ANKRD31: variants seen among roughly 807,000 people sequenced by gnomAD.
ANKRD31 encodes the protein ankyrin repeat domain 31.
ANKRD31 carries 147 observed loss-of-function variants against 186.0 expected under a neutral mutation model. The observed-to-expected ratio is 0.79, with a 90% confidence interval of 0.69 to 0.91. ANKRD31 has a LOEUF of 0.91. Ranked by LOEUF, ANKRD31 falls within the 40% of genes least tolerant of loss-of-function variation. ANKRD31 has a pLI of 0.00. For missense variants in ANKRD31, 1,986 were observed against 2,148.8 expected (o/e 0.92, Z 1.50); for synonymous variants, 673 against 736.4 (o/e 0.91, Z 1.39).
chr5:75,100,426 A>G (rs1010979044), intron 22 of ANKRD31, among the ~76,000 whole-genome samples: 1 of 152,184 alleles, frequency 6.6e-6, no homozygotes, highest in Non-Finnish European at 1.5e-5. Flanking sequence ...AGTTCTGTAG[A>G]TGCCTATTAG....
chr5:75,098,793 C>G (rs1436764092), intron 22 of ANKRD31, among the ~76,000 whole-genome samples: 1 of 152,184 alleles, frequency 6.6e-6, no homozygotes, highest in Non-Finnish European at 1.5e-5. Flanking sequence ...TATCCTGAGA[C>G]TTTGCTGAAG....
chr5:75,202,652 C>T (rs750941668), intron 5 of ANKRD31, among the ~76,000 whole-genome samples: 11 of 152,220 alleles, frequency 7.2e-5, no homozygotes, highest in South Asian at 2.1e-4. Flanking sequence ...TATCTTTCTA[C>T]AATTTGATTA....
intron 1 of ANKRD31, among the ~76,000 whole-genome samples, chr5:75,233,789 G>A (rs1208044038): frequency 2.0e-5 from 3 of 151,852 alleles, no homozygotes; most frequent in Admixed American, 6.6e-5. Flanking sequence ...GGTGGTATGC[G>A]CCTGTAGTCC....
At chr5:75,231,107 C>T (rs1757926902) in intron 1 of ANKRD31, among the ~76,000 whole-genome samples, 1 of 152,134 alleles carries the variant, frequency 6.6e-6, no homozygotes, top group African/African-American at 2.4e-5. Flanking sequence ...GACACAGTCT[C>T]TCTCTGTCAC....
intron 10 of ANKRD31, among the ~76,000 whole-genome samples, chr5:75,188,128 C>T (rs1043482652): frequency 1.3e-5 from 2 of 152,144 alleles, no homozygotes; most frequent in African/African-American, 4.8e-5. Flanking sequence ...TTTTCCCCTA[C>T]AGCTCAGTGC....
intron 20 of ANKRD31, among the ~76,000 whole-genome samples, chr5:75,108,371 A>T (rs1202566947): frequency 6.6e-6 from 1 of 152,086 alleles, no homozygotes; most frequent in African/African-American, 2.4e-5. Context: ...TTGCTTTCCA[A>T]GTAAAGGCAT....
intron 22 of ANKRD31, among the ~76,000 whole-genome samples, chr5:75,099,212 T>C (rs1746597389): frequency 6.6e-6 from 1 of 152,248 alleles, no homozygotes; most frequent in South Asian, 2.1e-4. Flanking sequence ...TCTTTGGTTC[T>C]GTTTATATGA....
chr5:75,178,939 C>T lies in ANKRD31; in HGVS notation c.1564+9554G>A, dbSNP rs185831328. On this transcript the variant is annotated intron_variant, in intron 10 of 25. Coordinates refer to ENST00000506364, the MANE Select transcript of ANKRD31 (RefSeq NM_001372053.1). ...AAAAACGCTTCAAAAATTAATGAATCCAGGAGCTGGTTTTTTGAAAAGATC... is the reference window on the plus strand; with the variant it reads ...AAAAACGCTTCAAAAATTAATGAATTCAGGAGCTGGTTTTTTGAAAAGATC... Among the ~76,000 whole-genome samples, 6 of 152,186 alleles carry T rather than the reference C, an allele frequency of 3.9e-5. No homozygotes were observed. The East Asian group carries it at 1.2e-3, about 29-fold the overall frequency.
intron 23 of ANKRD31, 55 bp from the exon 24 acceptor site, chr5:75,084,429 ACACC>A: frequency 8.1e-7 from 1 of 1,227,244 alleles, no homozygotes; most frequent in Non-Finnish European, 1.2e-6. Flanking sequence ...AGAAGGAAAT[ACACC>A]TATGTCCTGA....
chr5:75,180,176 G>T (rs376866186), intron 10 of ANKRD31, among the ~76,000 whole-genome samples: 1 of 152,102 alleles, frequency 6.6e-6, no homozygotes, highest in East Asian at 1.9e-4. Flanking sequence ...CAACTTACAA[G>T]GGATGTGAAG....
chr5:75,207,383 A>G (rs1182592087), intron 4 of ANKRD31, among the ~76,000 whole-genome samples: 3 of 152,176 alleles, frequency 2.0e-5, no homozygotes, highest in Non-Finnish European at 2.9e-5. Context: ...ATAAAACCAT[A>G]GTTTAACAGA....
At position 75,233,750 on chromosome 5, in the gene ANKRD31, T is replaced by C. The variant is rs565403632; in HGVS notation, c.104+2833A>G. 1.8e-3 allele frequency among the ~76,000 whole-genome samples: 279 copies of C among 152,070 alleles called. 1 individual carries two copies. Among genetic ancestry groups the C allele is most frequent in the African/African-American group, 6.5e-3 (271 of 41,498 alleles). ...GGCCATCATGGTGAAACCCCATCTA[T>C]ACTAAAAATACAAAAATTAGCTGGG... On this transcript the variant is annotated intron_variant, in intron 1 of 25. Transcript: ENST00000506364.
chr5:75,172,223 A>G (rs1753384636), intron 10 of ANKRD31, among the ~76,000 whole-genome samples: 1 of 152,022 alleles, frequency 6.6e-6, no homozygotes, highest in African/African-American at 2.4e-5. Context: ...GATACAGTTT[A>G]TTCTAAGAAT....
chr5:75,203,595 G>A (rs1353756979), intron 5 of ANKRD31, among the ~76,000 whole-genome samples: 1 of 150,782 alleles, frequency 6.6e-6, no homozygotes, highest in Non-Finnish European at 1.5e-5. Context: ...CCCGGGAGGT[G>A]GAGGTTGCAG....
chr5:75,125,942 T>C (rs1749217432), intron 17 of ANKRD31, among the ~76,000 whole-genome samples: 2 of 152,200 alleles, frequency 1.3e-5, no homozygotes, highest in Admixed American at 6.5e-5. Flanking sequence ...ACGACTACAA[T>C]AATGACTTAG....
chr5:75,160,015 A>G (rs993409485), intron 11 of ANKRD31, among the ~76,000 whole-genome samples: 2 of 152,122 alleles, frequency 1.3e-5, no homozygotes, highest in African/African-American at 4.8e-5. Context: ...ACTTGAATCT[A>G]TAGGAAAACA....
chr5:75,211,960 G>T (rs114141774), intron 3 of ANKRD31, among the ~76,000 whole-genome samples: 1 of 151,848 alleles, frequency 6.6e-6, no homozygotes, highest in Non-Finnish European at 1.5e-5. Flanking sequence ...GTCCTTTGAC[G>T]CTCAAAAGTT....
intron 3 of ANKRD31, among the ~76,000 whole-genome samples, chr5:75,214,081 A>G (rs980086322): frequency 6.6e-6 from 1 of 152,244 alleles, no homozygotes; most frequent in African/African-American, 2.4e-5. Flanking sequence ...GGTCATGTAT[A>G]TAGATATTTA....
At chr5:75,152,302 C>T in intron 12 of ANKRD31, among the ~76,000 whole-genome samples, 1 of 151,966 alleles carries the variant, frequency 6.6e-6, no homozygotes, top group East Asian at 1.9e-4. Flanking sequence ...TATTATTTGT[C>T]CCCAGGAAGA....
Sources: gnomAD v4.1 joint callset for allele counts (sites outside exome capture counted in the v4.1 genomes callset) on GRCh38, gnomAD v4.1.1 for gene constraint, MANE v1.5 for transcripts, NCBI Gene and HGNC (gene_info 2026-07-23, HGNC 2026-07-21) for gene names.